The following PNPT1 variants were observed in gnomAD, a reference collection of about 807,000 sequenced individuals.
PNPT1 encodes polyribonucleotide nucleotidyltransferase 1.
A neutral mutation model predicts 119.5 loss-of-function variants in PNPT1; 53 were observed. The observed-to-expected ratio is 0.44, with a 90% CI of 0.36 to 0.56. The LOEUF (loss-of-function observed/expected upper bound fraction) is 0.56. Among genes scored for constraint, PNPT1 ranks in the 20% least tolerant of loss-of-function variants. PNPT1 has a pLI of 0.00. For missense variants in PNPT1, 948 were observed against 938.5 expected (o/e 1.01, Z -0.13); for synonymous variants, 357 against 322.1 (o/e 1.11, Z -1.16).
intron 18 of PNPT1, among the ~76,000 whole-genome samples, chr2:55,650,217 C>G (rs12473585): frequency 2.6e-5 from 4 of 151,950 alleles, no homozygotes; most frequent in Non-Finnish European, 4.4e-5. Flanking sequence ...CCTCTGATGC[C>G]GAGCTGAAGC....
chr2:55,655,675 A>G (rs1202102217), intron 17 of PNPT1, among the ~76,000 whole-genome samples: 1 of 152,202 alleles, frequency 6.6e-6, no homozygotes, highest in Non-Finnish European at 1.5e-5. Context: ...TAAGAACTCC[A>G]TGACCTTTCT....
chr2:55,680,755 G>T lies in PNPT1; in HGVS notation c.522C>A (p.Ser174=). The change falls in exon 7 of 28, where the codon TCC becomes TCA. Residue 174 remains serine (S), a synonymous_variant. Coordinates refer to ENST00000447944, the MANE Select transcript of PNPT1 (RefSeq NM_033109.5). ...EPDVLAINGA[S]VALSLSDIPW... ...GAATATCTGATAATGAGAGGGCTAC[G>T]GAAGCTTAAAAAAGGAGAAAAATCA... The T allele has an allele frequency of 1.2e-6, 2 of 1,613,450 alleles. No individual in the cohort carries two copies. Among genetic ancestry groups the T allele is most frequent in the East Asian group, 4.5e-5 (2 of 44,822 alleles).
intron 2 of PNPT1, among the ~76,000 whole-genome samples, chr2:55,687,210 TC>T (rs1697435754): frequency 2.3e-5 from 1 of 42,956 alleles, no homozygotes; most frequent in Non-Finnish European, 4.3e-5. Context: ...TGAGACTCCA[TC>T]TCAAAAAAAA....
At chr2:55,657,297 T>C (rs1182067157) in intron 15 of PNPT1, among the ~76,000 whole-genome samples, 2 of 151,722 alleles carry the variant, frequency 1.3e-5, no homozygotes, top group African/African-American at 2.4e-5. Context: ...CCACTGCACT[T>C]CAGCCTGTGG....
chr2:55,640,104 T>C (rs556323249), intron 26 of PNPT1, among the ~76,000 whole-genome samples: 1 of 152,308 alleles, frequency 6.6e-6, no homozygotes, highest in African/African-American at 2.4e-5. Context: ...GCCGGTAATA[T>C]ACTATTTTAT....
intron 1 of PNPT1, among the ~76,000 whole-genome samples, chr2:55,691,882 T>TTC (rs1572841780): frequency 3.8e-4 from 9 of 23,686 alleles, no homozygotes; most frequent in East Asian, 2.8e-3. Flanking sequence ...ATATATATTT[T>TTC]TTTTTTTTTT....
chr2:55,679,919 C>T (rs1357898542), intron 7 of PNPT1, 124 bp from the exon 8 acceptor site: 10 of 674,298 alleles, frequency 1.5e-5, no homozygotes, highest in Admixed American at 6.2e-5. Context: ...TGTTTCTACA[C>T]GGTATTTAAG....
chr2:55,680,956 C>A lies in PNPT1; in HGVS notation c.454-38G>T, dbSNP rs759941192. 1.2e-5 allele frequency: 19 copies of A among 1,545,750 alleles called. No individual in the cohort carries two copies. In the Middle Eastern group the frequency reaches 1.9e-3, roughly 153 times the overall value. Reference sequence around the variant, plus strand: ...AAAAAATTTGATTTGGAAGGGTTATCATTTAGGTTAACATCCTGACCTAAA... The same window carrying A: ...AAAAAATTTGATTTGGAAGGGTTATAATTTAGGTTAACATCCTGACCTAAA... On this transcript the variant is annotated intron_variant, in intron 5 of 27. Coordinates refer to ENST00000447944, the MANE Select transcript of PNPT1 (RefSeq NM_033109.5).
intron 8 of PNPT1, among the ~76,000 whole-genome samples, chr2:55,676,462 GA>G (rs1697075626): frequency 6.6e-6 from 1 of 152,110 alleles, no homozygotes; most frequent in Admixed American, 6.6e-5. Context: ...TATACCAGTT[GA>G]AAACAAACAT....
chr2:55,642,472 G>A (rs1695861535), intron 25 of PNPT1, among the ~76,000 whole-genome samples: 2 of 151,800 alleles, frequency 1.3e-5, no homozygotes, highest in South Asian at 4.2e-4. Context: ...AGCTAGGCGT[G>A]GTGGCGGGCA....
Position 55,693,731 on chromosome 2 carries a change from G to T in PNPT1, c.93C>A (p.Thr31=), listed in dbSNP as rs749493556. 1.2e-5 allele frequency: 20 copies of T among 1,614,066 alleles called. No homozygotes were observed. Among genetic ancestry groups the T allele is most frequent in the Non-Finnish European group, 1.7e-5 (20 of 1,180,050 alleles). The change falls in exon 1 of 28, where the codon ACC becomes ACA. Residue 31 remains threonine, a synonymous_variant. Coordinates refer to ENST00000447944, the MANE Select transcript of PNPT1 (RefSeq NM_033109.5). ...TCCATAGTGCTCGCACTTGCAACTG[G>T]GTGAGTGCCCGATCCCGCCGTGGCA... ...FLLPRRDRAL[T]QLQVRALWSS... is the part of the protein sequence containing the mutation.
chr2:55,687,830 A>C, intron 1 of PNPT1, 125 bp from the exon 2 acceptor site: 1 of 596,182 alleles, frequency 1.7e-6, no homozygotes, highest in Non-Finnish European at 2.8e-6. Context: ...CCACCAACAA[A>C]AAGGGGCAGA....
rs1695661585 is a variant in PNPT1, at chr2:55,636,092, T to A, written c.*145A>T. The A allele has an allele frequency of 2.1e-6, 1 of 476,038 alleles. No individual in the cohort carries two copies. Among genetic ancestry groups the A allele is most frequent in the Admixed American group, 4.2e-5 (1 of 23,584 alleles). 29.5% of individuals were successfully genotyped at this position (476,038 alleles called of 1,614,324 possible). Reference sequence around the variant, plus strand: ...TTACTCGAATTAAAAAAATGGCACATGTAAATGAGCATTTTAGTACAAATA... The same window carrying A: ...TTACTCGAATTAAAAAAATGGCACAAGTAAATGAGCATTTTAGTACAAATA... On this transcript the variant is annotated 3_prime_UTR_variant, in exon 28 of 28. Transcript: ENST00000447944.
chr2:55,655,628 A>C (rs1453253655), intron 17 of PNPT1, among the ~76,000 whole-genome samples: 3 of 152,170 alleles, frequency 2.0e-5, no homozygotes, highest in African/African-American at 7.2e-5. Context: ...TTTTTCCTCA[A>C]AATCTGTGAC....
chr2:55,679,108 C>T (rs1163274850), intron 8 of PNPT1, among the ~76,000 whole-genome samples: 2 of 152,164 alleles, frequency 1.3e-5, no homozygotes, highest in African/African-American at 4.8e-5. Context: ...TTTCCTTCCA[C>T]AGAACAAGGA....
chr2:55,670,057 C>A (rs1696861085), intron 11 of PNPT1, among the ~76,000 whole-genome samples: 1 of 151,840 alleles, frequency 6.6e-6, no homozygotes. Context: ...CCACGCCTGG[C>A]CAGTTTTTTA....
At chr2:55,637,684 T>A (rs1214286775) in intron 26 of PNPT1, 85 bp from the exon 27 acceptor site, 2 of 1,192,280 alleles carry the variant, frequency 1.7e-6, no homozygotes, top group East Asian at 4.7e-5. Flanking sequence ...TCAAGCTTTA[T>A]TAGTTTTTCT....
chr2:55,692,825 C>T (rs1010834055), intron 1 of PNPT1, among the ~76,000 whole-genome samples: 17 of 152,144 alleles, frequency 1.1e-4, no homozygotes, highest in African/African-American at 3.9e-4. Flanking sequence ...ATATCTTGTA[C>T]TCCTAACTTC....
Position 55,641,283 on chromosome 2 carries a change from A to AT in PNPT1, c.2070-579dup, listed in dbSNP as rs10713596. Among the ~76,000 whole-genome samples the AT allele has an allele frequency of 1.2e-3, 124 of 100,094 alleles. 1 individual carries two copies. Among genetic ancestry groups the AT allele is most frequent in the South Asian group, 8.0e-3 (24 of 3,016 alleles). 65.7% of individuals were successfully genotyped at this position (100,094 alleles called of 152,430 possible). On this transcript the variant is annotated intron_variant, in intron 25 of 27. Coordinates refer to ENST00000447944, the MANE Select transcript of PNPT1 (RefSeq NM_033109.5). ...ATTTCTCTTAACAATTTCCAAAAAC[A>AT]TTTTTTTTTTTTTTTTTTTTTGCCA...
Sources: allele counts gnomAD v4.1 joint callset (sites outside exome capture counted in the v4.1 genomes callset), GRCh38; gene constraint gnomAD v4.1.1; transcripts MANE v1.5; gene names NCBI Gene and HGNC (gene_info 2026-07-23, HGNC 2026-07-21).